Variants in ADARB2 observed in about 807,000 individuals in gnomAD.
The protein encoded by ADARB2 is adenosine deaminase RNA specific B2 (inactive), also known as inactive double-stranded RNA-specific editase B2.
A neutral mutation model predicts 62.2 loss-of-function variants in ADARB2; 25 were observed. The ratio of observed to expected loss-of-function variants is 0.40; its 90% CI spans 0.29 to 0.56. The LOEUF is 0.56. Among genes scored for constraint, ADARB2 ranks in the 20% least tolerant of loss-of-function variants. The pLI is 0.43. For synonymous variants in ADARB2, 572 were observed against 500.8 expected (o/e 1.14, Z -1.90); for missense variants, 1,071 against 1,077.4 (o/e 0.99, Z 0.08).
At chr10:1,365,287 C>A (rs576959989) in intron 2 of ADARB2, among the ~76,000 whole-genome samples, 1 of 152,092 alleles carries the variant, frequency 6.6e-6, no homozygotes, top group Non-Finnish European at 1.5e-5. Flanking sequence ...TGTCATGGAT[C>A]GCACCCACTT....
At chr10:1,474,867 TGCTC>T in intron 1 of ADARB2, among the ~76,000 whole-genome samples, 1 of 152,200 alleles carries the variant, frequency 6.6e-6, no homozygotes, top group East Asian at 1.9e-4. Context: ...AAGGCAAGGA[TGCTC>T]GCAGGACTGC....
intron 1 of ADARB2, among the ~76,000 whole-genome samples, chr10:1,522,424 A>G (rs546435332): frequency 1.3e-5 from 2 of 152,304 alleles, no homozygotes; most frequent in African/African-American, 4.8e-5. Context: ...AGAGGGCAGT[A>G]AAACAAAGGG....
At chr10:1,736,610 A>C (rs1203146932) in intron 1 of ADARB2, among the ~76,000 whole-genome samples, 1 of 152,248 alleles carries the variant, frequency 6.6e-6, no homozygotes, top group Non-Finnish European at 1.5e-5. Flanking sequence ...GGCTTCGCCT[A>C]TCCCTTCCTC....
At chr10:1,470,550 G>A (rs749390510) in intron 1 of ADARB2, among the ~76,000 whole-genome samples, 3 of 152,188 alleles carry the variant, frequency 2.0e-5, no homozygotes, top group Non-Finnish European at 4.4e-5. Context: ...CCTGACTGCA[G>A]GAATTCTGGG....
chr10:1,385,022 C>G (rs945257070), intron 1 of ADARB2, among the ~76,000 whole-genome samples: 2 of 152,218 alleles, frequency 1.3e-5, no homozygotes, highest in African/African-American at 4.8e-5. Flanking sequence ...TAGGAATACT[C>G]TAGTCCTAGA....
At chr10:1,309,209 C>T (rs1274865536) in intron 3 of ADARB2, among the ~76,000 whole-genome samples, 7 of 152,212 alleles carry the variant, frequency 4.6e-5, no homozygotes, top group Non-Finnish European at 1.5e-5. Flanking sequence ...GACTGATAAA[C>T]ATTGCCTGTC....
At chr10:1,374,118 T>G (rs1224883515) in intron 2 of ADARB2, among the ~76,000 whole-genome samples, 1 of 152,208 alleles carries the variant, frequency 6.6e-6, no homozygotes, top group Non-Finnish European at 1.5e-5. Flanking sequence ...CCTCTTAGAA[T>G]GAGGCATCTG....
chr10:1,273,390 C>A (rs543421534), intron 3 of ADARB2, among the ~76,000 whole-genome samples: 4 of 152,148 alleles, frequency 2.6e-5, no homozygotes, highest in Non-Finnish European at 5.9e-5. Context: ...CCTCCCAAAG[C>A]GCTAGGATTA....
At chr10:1,232,596 ATG>A (rs4002638) in intron 6 of ADARB2, among the ~76,000 whole-genome samples, 53,101 of 145,218 alleles carry the variant, frequency 0.37, 9,703 homozygotes, top group East Asian at 0.57. Context: ...CATGTGGTAT[ATG>A]TGGTATGTGT....
At chr10:1,364,244 A>T (rs942967310) in intron 2 of ADARB2, among the ~76,000 whole-genome samples, 10 of 152,244 alleles carry the variant, frequency 6.6e-5, no homozygotes, top group Non-Finnish European at 1.3e-4. Flanking sequence ...GTCAAAGGTC[A>T]GAGAGGCCTT....
intron 1 of ADARB2, among the ~76,000 whole-genome samples, chr10:1,475,304 A>G (rs1831384235): frequency 6.6e-6 from 1 of 152,196 alleles, no homozygotes; most frequent in East Asian, 1.9e-4. Flanking sequence ...TGGGTTTGAC[A>G]GTGTATCTGC....
chr10:1,730,736 A>T (rs542186306), intron 1 of ADARB2, among the ~76,000 whole-genome samples: 2 of 152,284 alleles, frequency 1.3e-5, no homozygotes, highest in East Asian at 3.9e-4. Context: ...CTTAATATAA[A>T]TATGGAATTT....
chr10:1,512,233 G>A (rs1337446948), intron 1 of ADARB2, among the ~76,000 whole-genome samples: 3 of 151,174 alleles, frequency 2.0e-5, no homozygotes, highest in African/African-American at 4.9e-5. Flanking sequence ...CCAAGGTGTT[G>A]ATGCTGTCTA....
intron 1 of ADARB2, among the ~76,000 whole-genome samples, chr10:1,736,529 C>A (rs1003922559): frequency 3.9e-5 from 6 of 152,210 alleles, no homozygotes; most frequent in Non-Finnish European, 7.3e-5. Context: ...CTCTTTACGA[C>A]CCAATGTTTA....
Position 1,335,843 on chromosome 10 carries a change from C to T in ADARB2, c.1077+27185G>A, listed in dbSNP as rs116731043. On this transcript the variant is annotated intron_variant, in intron 3 of 9. Transcript: ENST00000381312. Reference sequence around the variant, plus strand: ...ACTGCCAGGCTTATCCTGCTTGGCACATGCAAATTAGAGAGATGCCTGCGT... The same window carrying T: ...ACTGCCAGGCTTATCCTGCTTGGCATATGCAAATTAGAGAGATGCCTGCGT... 8.3e-3 allele frequency among the ~76,000 whole-genome samples: 1,261 copies of T among 152,288 alleles called. 10 individuals carry two copies. Among genetic ancestry groups the T allele is most frequent in the African/African-American group, 0.019 (776 of 41,554 alleles).
chr10:1,535,401 C>T (rs76628870), intron 1 of ADARB2, among the ~76,000 whole-genome samples: 3,574 of 152,234 alleles, frequency 0.023, 136 homozygotes, highest in African/African-American at 0.081. Context: ...CACAATATTC[C>T]GAGGTGATAC....
intron 2 of ADARB2, among the ~76,000 whole-genome samples, chr10:1,370,013 C>G (rs1415059017): frequency 6.6e-6 from 1 of 152,182 alleles, no homozygotes; most frequent in Non-Finnish European, 1.5e-5. Context: ...TCAATGGAGA[C>G]AGTGCGTGTA....
Position 1,495,562 on chromosome 10 carries a change from G to A in ADARB2, c.101-116402C>T, listed in dbSNP as rs373286003. ...TTTGGCAGAACATAGTCTTAGAAAA[G>A]ATTTGGAGCTGCCTCCAGTCTTTAA... On this transcript the variant is annotated intron_variant, in intron 1 of 9. Transcript: ENST00000381312. 6.4e-4 allele frequency among the ~76,000 whole-genome samples: 97 copies of A among 152,326 alleles called. 1 individual carries two copies. In the South Asian group the frequency reaches 0.017, roughly 27 times the overall value.
intron 6 of ADARB2, among the ~76,000 whole-genome samples, chr10:1,232,717 A>T (rs1830820088): frequency 7.6e-6 from 1 of 131,494 alleles, no homozygotes; most frequent in Admixed American, 7.8e-5. Context: ...TGTATGTGGT[A>T]TGTGTGTAGT....
Sources: gnomAD v4.1 joint callset for allele counts (sites outside exome capture counted in the v4.1 genomes callset) on GRCh38, gnomAD v4.1.1 for gene constraint, MANE v1.5 for transcripts, NCBI Gene and HGNC (gene_info 2026-07-23, HGNC 2026-07-21) for gene names.